The following OBI1 variants were observed in gnomAD, a reference collection of about 807,000 sequenced individuals.
OBI1 encodes the protein ORC ubiquitin ligase 1.
In OBI1, 59 loss-of-function variants were observed where a neutral mutation model predicts 62.4. The observed-to-expected ratio is 0.95, with a 90% CI of 0.77 to 1.17. The LOEUF is 1.17. Among genes scored for constraint, OBI1 ranks in the 50% most tolerant of loss-of-function variants. OBI1 has a pLI of 0.00. For missense variants in OBI1, 875 were observed against 830.9 expected, an observed-to-expected ratio of 1.05 and a Z score of -0.65; for synonymous variants, 302 against 292.8, an observed-to-expected ratio of 1.03 and a Z score of -0.32.
chr13:78,642,105 C>CTTTGAT lies in OBI1; in HGVS notation c.300+11_300+16dup. On this transcript the variant is annotated intron_variant, in intron 3 of 5. Transcript: ENST00000282003. ...AATTCACTGCTAACATAATTTTAAA[C>CTTTGAT]TTTGATTACTGTTTACCTCATATTC... The CTTTGAT allele has an allele frequency of 2.0e-6, 3 of 1,480,280 alleles. No homozygotes were observed. Among genetic ancestry groups the CTTTGAT allele is most frequent in the Non-Finnish European group, 2.8e-6 (3 of 1,061,592 alleles). 91.7% of individuals were successfully genotyped at this position (1,480,280 alleles called of 1,614,324 possible). A position where few individuals can be genotyped will look rare whatever the true frequency, so the allele number is the denominator to read the frequency against.
Position 78,617,042 on chromosome 13 carries a change from A to G in OBI1, c.719T>C (p.Leu240Pro). Residue 240 changes from leucine (L) to proline (P), a missense_variant, in exon 6 of 6, where the codon CTG becomes CCG. By Grantham distance (98) the Leu-to-Pro change is moderately conservative (BLOSUM62 -3). Coordinates refer to ENST00000282003, the MANE Select transcript of OBI1 (RefSeq NM_024546.4). ...ERETNRLKKA[L>P]ERSDKYIEEL... ...CTCTATATACTTATCACTTCGTTCC[A>G]GGGCTTTCTTGAGGCGATTGGTTTC... 7 of 1,613,420 alleles carry G rather than the reference A, an allele frequency of 4.3e-6. No homozygotes were observed. Among genetic ancestry groups the G allele is most frequent in the Non-Finnish European group, 5.9e-6 (7 of 1,179,802 alleles).
chr13:78,646,306 C>T (rs1434758634), intron 1 of OBI1, among the ~76,000 whole-genome samples: 2 of 152,166 alleles, frequency 1.3e-5, no homozygotes, highest in African/African-American at 2.4e-5. Context: ...CATAACTAAA[C>T]CTTTAGTGCC....
At chr13:78,658,929 G>T in intron 1 of OBI1, 120 bp downstream of exon 1, 2 of 790,114 alleles carry the variant, frequency 2.5e-6, no homozygotes, top group Non-Finnish European at 4.2e-6. Flanking sequence ...ACGCGGGTTA[G>T]CGTTTTCTCC....
intron 5 of OBI1, chr13:78,620,612 G>A (rs1418167132): frequency 4.6e-6 from 2 of 434,338 alleles, no homozygotes; most frequent in East Asian, 1.5e-4. Flanking sequence ...CATACATTCT[G>A]GATGAGAGAG....
chr13:78,641,134 C>A (rs910218218), intron 3 of OBI1, among the ~76,000 whole-genome samples: 2 of 152,122 alleles, frequency 1.3e-5, no homozygotes, highest in Non-Finnish European at 2.9e-5. Flanking sequence ...AGAAAATAAA[C>A]CCCCAAGTAG....
At chr13:78,656,156 T>C (rs1270267238) in intron 1 of OBI1, among the ~76,000 whole-genome samples, 1 of 152,238 alleles carries the variant, frequency 6.6e-6, no homozygotes. Flanking sequence ...CTAACAGTTA[T>C]TAAACATTAT....
rs569929144 is a variant in OBI1 at position 78,657,826 on chromosome 13, C to A, written c.72+1223G>T. Among the ~76,000 whole-genome samples, 39 of 152,264 alleles carry A rather than the reference C, an allele frequency of 2.6e-4. 1 individual carries two copies. The South Asian group carries it at 5.8e-3, about 23-fold the overall frequency. Reference sequence around the variant, plus strand: ...AAATGTAGACTGTGGCAAATAGAAACATCGCTTCTTCCCTCCCCCTAGCCG... The same window carrying A: ...AAATGTAGACTGTGGCAAATAGAAAAATCGCTTCTTCCCTCCCCCTAGCCG... On this transcript the variant is annotated intron_variant, in intron 1 of 5. Coordinates refer to ENST00000282003, the MANE Select transcript of OBI1 (RefSeq NM_024546.4).
intron 1 of OBI1, among the ~76,000 whole-genome samples, chr13:78,653,072 G>A (rs909217506): frequency 5.3e-5 from 8 of 152,092 alleles, no homozygotes; most frequent in African/African-American, 1.9e-4. Flanking sequence ...TCTTAAAAAA[G>A]CAAGTATACT....
intron 1 of OBI1, among the ~76,000 whole-genome samples, chr13:78,658,229 T>C (rs539683348): frequency 1.9e-4 from 29 of 152,218 alleles, no homozygotes; most frequent in African/African-American, 7.0e-4. Flanking sequence ...AAAAAGTTGG[T>C]GGTTTATCTT....
intron 3 of OBI1, among the ~76,000 whole-genome samples, chr13:78,639,901 G>C (rs1876157718): frequency 6.7e-6 from 1 of 148,370 alleles, no homozygotes; most frequent in Admixed American, 6.7e-5. Context: ...TAGATGACGA[G>C]TTAGTGGGTG....
In OBI1 at chr13:78,619,719, C is replaced by T. The variant is rs536131036; in HGVS notation, c.639-2597G>A. On this transcript the variant is annotated intron_variant, in intron 5 of 5. Coordinates refer to ENST00000282003, the MANE Select transcript of OBI1 (RefSeq NM_024546.4). The stretch of plus-strand genomic sequence containing the variant: ...TCTTTCTCCCACGTTAGAATAGAAG[C>T]TCAAGGAGAGCAGGTAGTTTGTCTT... Among the ~76,000 whole-genome samples the T allele has an allele frequency of 1.4e-3, 218 of 152,272 alleles. 1 individual carries two copies. Among genetic ancestry groups the T allele is most frequent in the African/African-American group, 5.1e-3 (212 of 41,568 alleles).
intron 1 of OBI1, among the ~76,000 whole-genome samples, chr13:78,647,450 A>G (rs1876418752): frequency 6.6e-6 from 1 of 152,212 alleles, no homozygotes; most frequent in South Asian, 2.1e-4. Context: ...GGGTGGAGAG[A>G]AGCATAAATC....
chr13:78,654,052 T>G (rs963556638), intron 1 of OBI1, among the ~76,000 whole-genome samples: 70 of 147,196 alleles, frequency 4.8e-4, no homozygotes, highest in Non-Finnish European at 8.8e-4. Context: ...AAAAAACCTG[T>G]GTGAAATAAG....
intron 1 of OBI1, among the ~76,000 whole-genome samples, chr13:78,650,815 C>T (rs1190257255): frequency 6.6e-6 from 1 of 151,944 alleles, no homozygotes; most frequent in Non-Finnish European, 1.5e-5. Flanking sequence ...GATCCTGCAG[C>T]TGCCTCAACC....
Position 78,625,393 on chromosome 13 carries a change from CA to C in OBI1, c.639-8272del, listed in dbSNP as rs541025249. Among the ~76,000 whole-genome samples the C allele has an allele frequency of 2.2e-3, 333 of 152,188 alleles. 1 individual carries two copies. The highest frequency in any genetic ancestry group is 7.5e-3 in the African/African-American group (310 of 41,526). ...TCTCTTATTCTCTCTCAGCATGAAA[CA>C]AAATCTAAAAGAAAACGAAACACAA... On this transcript the variant is annotated intron_variant, in intron 5 of 5. Transcript: ENST00000282003.
intron 5 of OBI1, among the ~76,000 whole-genome samples, chr13:78,618,699 TA>T (rs916964070): frequency 2.0e-5 from 3 of 152,112 alleles, no homozygotes; most frequent in Non-Finnish European, 2.9e-5. Flanking sequence ...CTTCAACTTC[TA>T]AAAAAACACA....
chr13:78,630,168 T>C (rs541417103), intron 5 of OBI1, among the ~76,000 whole-genome samples: 2 of 152,140 alleles, frequency 1.3e-5, no homozygotes, highest in Admixed American at 6.5e-5. Context: ...CTGTCTCTAT[T>C]ATTTGGCTTA....
intron 4 of OBI1, 43 bp downstream of exon 4, chr13:78,638,780 T>C (rs1439913581): frequency 1.9e-6 from 3 of 1,543,288 alleles, no homozygotes; most frequent in African/African-American, 1.4e-5. Context: ...AAGGTACTTA[T>C]TTTAAAAACA....
intron 1 of OBI1, 114 bp downstream of exon 1, chr13:78,658,935 T>C (rs1041351853): frequency 3.6e-6 from 3 of 841,078 alleles, no homozygotes; most frequent in Non-Finnish European, 5.8e-6. Flanking sequence ...GTTAGCGTTT[T>C]CTCCCATCTC....
Sources: gnomAD v4.1 joint callset for allele counts (sites outside exome capture counted in the v4.1 genomes callset) on GRCh38, gnomAD v4.1.1 for gene constraint, MANE v1.5 for transcripts, NCBI Gene and HGNC (gene_info 2026-07-23, HGNC 2026-07-21) for gene names.